SLC67A2: variants seen among roughly 807,000 people sequenced by gnomAD.
The protein encoded by SLC67A2 is solute carrier family 67 member 2.
At chr2:102,735,603 C>T in the SLC67A2 span, among the ~76,000 whole-genome samples, 1 of 152,186 alleles carries the variant, frequency 6.6e-6, no homozygotes, top group Non-Finnish European at 1.5e-5. Flanking sequence ...TCAGGCCTAG[C>T]CTTGGAAAGG....
chr2:102,719,262 C>A, the SLC67A2 span: 1 of 1,534,396 alleles, frequency 6.5e-7, no homozygotes, highest in Non-Finnish European at 8.8e-7. Flanking sequence ...AATCCATACA[C>A]TACCTCCTTG....
the SLC67A2 span, chr2:102,727,024 C>A: frequency 1.3e-6 from 2 of 1,587,640 alleles, no homozygotes; most frequent in East Asian, 4.5e-5. Flanking sequence ...GTAACGACTA[C>A]CACCATGCAA....
At chr2:102,723,643 T>C in the SLC67A2 span, 3 of 1,493,050 alleles carry the variant, frequency 2.0e-6, no homozygotes, top group Non-Finnish European at 2.8e-6. Flanking sequence ...AAGAGAAAAG[T>C]AGGTAAATTG....
chr2:102,736,463 T>G, the SLC67A2 span: 1 of 1,442,710 alleles, frequency 6.9e-7, no homozygotes, highest in Non-Finnish European at 9.1e-7. Context: ...TAAAGCAGTG[T>G]GGCCAGATGC....
At chr2:102,726,866 C>G in the SLC67A2 span, 4 of 1,602,212 alleles carry the variant, frequency 2.5e-6, no homozygotes, top group Non-Finnish European at 3.4e-6. Context: ...CTAGCCAGGA[C>G]AAACAGAAAC....
At chr2:102,721,789 T>C in the SLC67A2 span, among the ~76,000 whole-genome samples, 1 of 152,180 alleles carries the variant, frequency 6.6e-6, no homozygotes, top group East Asian at 1.9e-4. Flanking sequence ...ACTGTAGTTT[T>C]GACCTCCTGG....
the SLC67A2 span, among the ~76,000 whole-genome samples, chr2:102,714,983 A>C: frequency 3.3e-5 from 5 of 152,186 alleles, no homozygotes; most frequent in African/African-American, 1.2e-4. Context: ...AAAGACGCCA[A>C]GCAACCCTTT....
the SLC67A2 span, chr2:102,727,055 A>C: frequency 6.7e-7 from 1 of 1,487,372 alleles, no homozygotes; most frequent in Non-Finnish European, 9.1e-7. Context: ...CAAAGTGACC[A>C]GGGGAAAACA....
chr2:102,736,738 C>T, the SLC67A2 span: 3 of 1,613,782 alleles, frequency 1.9e-6, no homozygotes, highest in South Asian at 2.2e-5. Context: ...GTCTTCTGCT[C>T]CTGTTTCCGC....
At chr2:102,718,484 A>G in the SLC67A2 span, 249 of 1,614,168 alleles carry the variant, frequency 1.5e-4, no homozygotes, top group Non-Finnish European at 1.9e-4. Context: ...AGACATTATG[A>G]AAATGGCCAC....
At chr2:102,719,142 G>A in the SLC67A2 span, 19 of 1,614,110 alleles carry the variant, frequency 1.2e-5, no homozygotes, top group Middle Eastern at 1.6e-4. Flanking sequence ...TGGGTCTTTC[G>A]CAATGGCAGG....
At chr2:102,728,872 A>C in the SLC67A2 span, among the ~76,000 whole-genome samples, 1 of 152,180 alleles carries the variant, frequency 6.6e-6, no homozygotes, top group Non-Finnish European at 1.5e-5. Context: ...ATATAAAATG[A>C]GTCATTAAAG....
the SLC67A2 span, among the ~76,000 whole-genome samples, chr2:102,731,708 CACTT>C: frequency 2.6e-5 from 4 of 152,156 alleles, no homozygotes; most frequent in East Asian, 1.9e-4. Flanking sequence ...TGTCCACAAA[CACTT>C]GCTTGTTTGG....
At chr2:102,736,785 A>G in the SLC67A2 span, 4 of 1,612,976 alleles carry the variant, frequency 2.5e-6, no homozygotes, top group Admixed American at 3.3e-5. Flanking sequence ...GGCCGAGTTC[A>G]TGTCCCAGTG....
the SLC67A2 span, among the ~76,000 whole-genome samples, chr2:102,735,292 C>T: frequency 1.3e-5 from 2 of 152,198 alleles, no homozygotes; most frequent in Non-Finnish European, 2.9e-5. Context: ...CCCTGAAGAC[C>T]TTGTGTTTCT....
chr2:102,735,423 G>A, the SLC67A2 span, among the ~76,000 whole-genome samples: 1 of 152,290 alleles, frequency 6.6e-6, no homozygotes, highest in African/African-American at 2.4e-5. Flanking sequence ...CATGAAACTG[G>A]GAGAAGTGGT....
At chr2:102,723,576 CTT>C in the SLC67A2 span, 1 of 958,644 alleles carries the variant, frequency 1.0e-6, no homozygotes, top group Admixed American at 2.3e-5. Context: ...CTCAAAATGA[CTT>C]TTGTTTTTGG....
At chr2:102,732,327 A>C in the SLC67A2 span, 1 of 1,612,922 alleles carries the variant, frequency 6.2e-7, no homozygotes, top group African/African-American at 1.3e-5. Flanking sequence ...CTCACCTACT[A>C]TTCCAGCAAC....
the SLC67A2 span, chr2:102,718,474 A>C: frequency 6.2e-7 from 1 of 1,613,986 alleles, no homozygotes; most frequent in Non-Finnish European, 8.5e-7. Flanking sequence ...GCTTGTTTAG[A>C]GACATTATGA....
Sources: gnomAD v4.1 joint callset for allele counts (sites outside exome capture counted in the v4.1 genomes callset) on GRCh38, gnomAD v4.1.1 for gene constraint, MANE v1.5 for transcripts, NCBI Gene and HGNC (gene_info 2026-07-23, HGNC 2026-07-21) for gene names.